MARVELD2: variants seen among roughly 807,000 people sequenced by gnomAD.
The protein encoded by MARVELD2 is MARVEL domain-containing protein 2.
Under a neutral mutation model 57.6 loss-of-function variants are expected in MARVELD2, and 49 were observed. That is an observed-to-expected ratio of 0.85 (90% CI 0.68 to 1.08). The LOEUF is 1.08. Among genes scored for constraint, MARVELD2 ranks in the 50% least tolerant of loss-of-function variants. The pLI, the probability that MARVELD2 is intolerant of heterozygous loss-of-function variation, is 0.00. For synonymous variants in MARVELD2, 238 were observed against 258.8 expected (o/e 0.92, Z 0.77); for missense variants, 606 against 701.1 (o/e 0.86, Z 1.53).
At chr5:69,420,594 T>C in intron 2 of MARVELD2, 63 bp downstream of exon 2, 1 of 1,503,232 alleles carries the variant, frequency 6.7e-7, no homozygotes, top group Non-Finnish European at 9.1e-7. Context: ...ATTTGCTCCC[T>C]TGTTAAAAAA....
chr5:69,426,869 A>C (rs1299656394), intron 3 of MARVELD2, among the ~76,000 whole-genome samples: 1 of 151,792 alleles, frequency 6.6e-6, no homozygotes, highest in Non-Finnish European at 1.5e-5. Flanking sequence ...AAGAGGTCTC[A>C]CTATGTTGCC....
chr5:69,422,615 G>T (rs538527764), intron 2 of MARVELD2, among the ~76,000 whole-genome samples: 119 of 152,118 alleles, frequency 7.8e-4, no homozygotes, highest in African/African-American at 2.8e-3. Context: ...TTTTAATTTT[G>T]CCCCGTCCTG....
At chr5:69,432,793 G>A in intron 4 of MARVELD2, 118 bp downstream of exon 4, 2 of 1,552,172 alleles carry the variant, frequency 1.3e-6, no homozygotes, top group South Asian at 1.1e-5. Flanking sequence ...TATGTAAATA[G>A]TTGTTATCTG....
intron 5 of MARVELD2, among the ~76,000 whole-genome samples, chr5:69,435,752 CAAAAAAAAAAA>C (rs35281029): frequency 4.6e-5 from 3 of 64,788 alleles, no homozygotes; most frequent in East Asian, 1.1e-3. Context: ...GACCCTGTCT[CAAAAAAAAAAA>C]AAAAAAAAAA....
Position 69,419,646 on chromosome 5 carries a change from G to C in MARVELD2, c.261G>C (p.Lys87Asn), listed in dbSNP as rs759964807. 1 of 1,614,194 alleles carries C rather than the reference G, an allele frequency of 6.2e-7. No homozygotes were observed. The highest frequency in any genetic ancestry group is 1.1e-5 in the South Asian group (1 of 91,082). The change falls in exon 2 of 7, where the codon AAG becomes AAC. Residue 87 changes from lysine (K) to asparagine (N), a missense_variant. Coordinates refer to ENST00000325631, the MANE Select transcript of MARVELD2 (RefSeq NM_001038603.3). ...GGCGCTTTGTCCCTGACTCCTGGAA[G>C]AACTTTTTCAGAGGGAAGAAAAAGG... ...PVRRFVPDSW[K>N]NFFRGKKKDP...
In MARVELD2 at chr5:69,428,419, C is replaced by G. The variant is rs1766863271; in HGVS notation, c.1182+3783C>G. ...TTGGGAGACTGAGGCGGGAGAATGA[C>G]TTGAACCTGGAAGGTGGAGGTTGCA... On this transcript the variant is annotated intron_variant, in intron 3 of 6. Transcript: ENST00000325631. 1.8e-5 allele frequency among the ~76,000 whole-genome samples: 2 copies of G among 108,390 alleles called. 1 individual carries two copies. Among genetic ancestry groups the G allele is most frequent in the African/African-American group, 6.7e-5 (2 of 29,814 alleles). 71.1% of individuals were successfully genotyped at this position (108,390 alleles called of 152,430 possible). A position where few individuals can be genotyped will look rare whatever the true frequency, so the allele number is the denominator to read the frequency against.
intron 3 of MARVELD2, among the ~76,000 whole-genome samples, chr5:69,430,681 A>C (rs1021400980): frequency 6.6e-6 from 1 of 150,806 alleles, no homozygotes; most frequent in Non-Finnish European, 1.5e-5. Flanking sequence ...TTACAGGCGC[A>C]CACCACCACA....
chr5:69,441,479 G>T (rs1767323234), intron 6 of MARVELD2, 53 bp from the exon 7 acceptor site: 2 of 1,593,136 alleles, frequency 1.3e-6, no homozygotes, highest in African/African-American at 1.3e-5. Flanking sequence ...ATGTTTCTGT[G>T]TTTTTCACTG....
chr5:69,419,169 G>A (rs747655401), intron 1 of MARVELD2: 126 of 616,300 alleles, frequency 2.0e-4, no homozygotes, highest in Non-Finnish European at 2.9e-4. Flanking sequence ...GAAATGATCC[G>A]TCTGTCTTGG....
At chr5:69,416,954 A>G (rs1212544900) in intron 1 of MARVELD2, among the ~76,000 whole-genome samples, 1 of 152,180 alleles carries the variant, frequency 6.6e-6, no homozygotes, top group Non-Finnish European at 1.5e-5. Flanking sequence ...TCTCACTCCT[A>G]GCAAAAGACA....
chr5:69,423,018 C>A (rs749325504), intron 2 of MARVELD2, among the ~76,000 whole-genome samples: 13 of 152,292 alleles, frequency 8.5e-5, no homozygotes, highest in East Asian at 1.9e-4. Flanking sequence ...CTGCCTCAGC[C>A]CCCCTAGTAG....
At chr5:69,441,210 G>A (rs150737425) in intron 6 of MARVELD2, among the ~76,000 whole-genome samples, 24 of 151,972 alleles carry the variant, frequency 1.6e-4, no homozygotes, top group African/African-American at 5.6e-4. Flanking sequence ...TCAAATACCT[G>A]GGCTCAAGCA....
chr5:69,434,637 TTTGAAATAGGAATA>T lies in MARVELD2; in HGVS notation c.1503+1558_1503+1571del, dbSNP rs563998683. 4.3e-3 allele frequency among the ~76,000 whole-genome samples: 656 copies of T among 152,272 alleles called. 6 individuals carry two copies. The highest frequency in any genetic ancestry group is 0.015 in the African/African-American group (639 of 41,558). On this transcript the variant is annotated intron_variant, in intron 5 of 6. Transcript: ENST00000325631. ...TCCGCACCCCCCACATTTTTCACAT[TTTGAAATAGGAATA>T]TTGAAATAGGAATGCCTTATAACCT...
chr5:69,419,316 A>T, intron 1 of MARVELD2, 55 bp from the exon 2 acceptor site: 1 of 1,557,204 alleles, frequency 6.4e-7, no homozygotes, highest in Non-Finnish European at 8.8e-7. Flanking sequence ...TAAAATCAGC[A>T]TCATTGAGAG....
intron 2 of MARVELD2, among the ~76,000 whole-genome samples, chr5:69,422,619 C>T (rs188278179): frequency 1.8e-4 from 27 of 152,220 alleles, no homozygotes; most frequent in African/African-American, 5.8e-4. Flanking sequence ...AATTTTGCCC[C>T]GTCCTGTGGC....
At chr5:69,417,783 C>CA (rs1766475088) in intron 1 of MARVELD2, among the ~76,000 whole-genome samples, 1 of 151,680 alleles carries the variant, frequency 6.6e-6, no homozygotes, top group Admixed American at 6.6e-5. Context: ...ACTAAAAATA[C>CA]AAAAAATTAG....
At position 69,432,661 on chromosome 5, in the gene MARVELD2, G is replaced by T. The variant is rs1767001539; in HGVS notation, c.1317G>T (p.Met439Ile). Residue 439 changes from methionine to isoleucine, a missense_variant, in exon 4 of 7, where the codon ATG becomes ATT. Physicochemically the swap from Met to Ile is conservative, Grantham distance 10. Transcript: ENST00000325631. ...GCCACATTCCTAAACCTATCGTGATGCCCGACTATGTGGCGTGAGTGTCAG... is the reference window on the plus strand; with the variant it reads ...GCCACATTCCTAAACCTATCGTGATTCCCGACTATGTGGCGTGAGTGTCAG... ...PPGHIPKPIV[M>I]PDYVAKYPVI... 1 of 1,613,974 alleles carries T rather than the reference G, an allele frequency of 6.2e-7. No homozygotes were observed. The highest frequency in any genetic ancestry group is 1.1e-5 in the South Asian group (1 of 91,090).
chr5:69,431,815 TTTCTTC>T (rs1315906020), intron 3 of MARVELD2, among the ~76,000 whole-genome samples: 7 of 151,066 alleles, frequency 4.6e-5, no homozygotes, highest in African/African-American at 1.7e-4. Context: ...TCCTCCCCAT[TTTCTTC>T]TTCTTCTTCT....
intron 5 of MARVELD2, among the ~76,000 whole-genome samples, chr5:69,439,369 C>G (rs1196141971): frequency 6.6e-6 from 1 of 151,692 alleles, no homozygotes; most frequent in Non-Finnish European, 1.5e-5. Context: ...CCATGTTGGC[C>G]AGGCTGGTCT....
Sources: gnomAD v4.1 joint callset for allele counts (sites outside exome capture counted in the v4.1 genomes callset) on GRCh38, gnomAD v4.1.1 for gene constraint, MANE v1.5 for transcripts, NCBI Gene and HGNC (gene_info 2026-07-23, HGNC 2026-07-21) for gene names.